CADPS2: variants seen among roughly 807,000 people sequenced by gnomAD.
The protein encoded by CADPS2 is calcium-dependent secretion activator 2.
Under a neutral mutation model 172.5 loss-of-function variants are expected in CADPS2, and 93 were observed. The ratio of observed to expected loss-of-function variants is 0.54; its 90% CI spans 0.46 to 0.64. The LOEUF is 0.64. Among genes scored for constraint, CADPS2 ranks in the 30% least tolerant of loss-of-function variants. The pLI, the probability that CADPS2 is intolerant of heterozygous loss-of-function variation, is 0.00. For synonymous variants in CADPS2, 546 were observed against 555.2 expected (o/e 0.98, Z 0.23); for missense variants, 1,420 against 1,565.9 (o/e 0.91, Z 1.57).
At chr7:122,798,902 TCATTAA>T (rs1425241636) in intron 1 of CADPS2, among the ~76,000 whole-genome samples, 2 of 151,876 alleles carry the variant, frequency 1.3e-5, no homozygotes, top group East Asian at 3.9e-4. Flanking sequence ...TAGAAGGCTC[TCATTAA>T]CACAGTTACC....
chr7:122,429,680 G>A (rs1306565044), intron 17 of CADPS2, among the ~76,000 whole-genome samples: 4 of 151,926 alleles, frequency 2.6e-5, no homozygotes, highest in South Asian at 4.2e-4. Context: ...TGCCATTGTC[G>A]GTGCCTATGG....
chr7:122,350,482 A>G (rs1051896904), intron 27 of CADPS2, among the ~76,000 whole-genome samples: 3 of 152,206 alleles, frequency 2.0e-5, no homozygotes, highest in Non-Finnish European at 2.9e-5. Context: ...AGTAGTTTAA[A>G]TAAGTTATAT....
chr7:122,708,964 C>T (rs1400197623), intron 2 of CADPS2, among the ~76,000 whole-genome samples: 5 of 151,816 alleles, frequency 3.3e-5, no homozygotes, highest in African/African-American at 1.2e-4. Flanking sequence ...TCTTTGAGCT[C>T]GGAACAAAAT....
intron 1 of CADPS2, among the ~76,000 whole-genome samples, chr7:122,806,016 A>C (rs1589307975): frequency 6.6e-6 from 1 of 152,246 alleles, no homozygotes; most frequent in East Asian, 1.9e-4. Context: ...ATATTAGAGC[A>C]CTGAATGTGC....
intron 3 of CADPS2, among the ~76,000 whole-genome samples, chr7:122,634,994 T>C (rs1657486954): frequency 6.6e-6 from 1 of 152,208 alleles, no homozygotes; most frequent in Admixed American, 6.5e-5. Flanking sequence ...TCTACTTTTA[T>C]TGCCCTGTCG....
intron 2 of CADPS2, among the ~76,000 whole-genome samples, chr7:122,715,381 G>A (rs1210012993): frequency 1.3e-5 from 2 of 152,040 alleles, no homozygotes; most frequent in Non-Finnish European, 2.9e-5. Context: ...CTTCCAGAAC[G>A]CAGATGGCAA....
chr7:122,649,821 G>A (rs1295597921), intron 3 of CADPS2, among the ~76,000 whole-genome samples: 1 of 150,618 alleles, frequency 6.6e-6, no homozygotes, highest in Non-Finnish European at 1.5e-5. Context: ...ATGCCTTGAG[G>A]GAAGGAATCA....
At chr7:122,717,527 C>A (rs890170231) in intron 2 of CADPS2, among the ~76,000 whole-genome samples, 3 of 152,110 alleles carry the variant, frequency 2.0e-5, no homozygotes, top group Non-Finnish European at 4.4e-5. Context: ...TATGTTGGAA[C>A]TGAAAGAGTA....
At chr7:122,404,872 T>C (rs986538294) in intron 20 of CADPS2, among the ~76,000 whole-genome samples, 2 of 152,100 alleles carry the variant, frequency 1.3e-5, no homozygotes, top group Non-Finnish European at 2.9e-5. Flanking sequence ...ATGCCTGTAA[T>C]CCCAGCACTT....
intron 6 of CADPS2, among the ~76,000 whole-genome samples, chr7:122,597,858 T>A (rs2072098407): frequency 6.6e-6 from 1 of 152,104 alleles, no homozygotes; most frequent in Admixed American, 6.6e-5. Flanking sequence ...TAAGCATATC[T>A]TTCAATGAGA....
At chr7:122,774,815 G>C (rs765171865) in intron 1 of CADPS2, among the ~76,000 whole-genome samples, 4 of 152,238 alleles carry the variant, frequency 2.6e-5, no homozygotes, top group Non-Finnish European at 4.4e-5. Flanking sequence ...TATATTTAAT[G>C]TATCTAACTG....
intron 8 of CADPS2, among the ~76,000 whole-genome samples, chr7:122,547,136 A>T (rs2063709709): frequency 6.6e-6 from 1 of 151,854 alleles, no homozygotes; most frequent in Non-Finnish European, 1.5e-5. Context: ...CTTACAAATT[A>T]AAACATATTA....
chr7:122,791,157 T>G (rs1795210618), intron 1 of CADPS2, among the ~76,000 whole-genome samples: 1 of 152,128 alleles, frequency 6.6e-6, no homozygotes, highest in Non-Finnish European at 1.5e-5. Context: ...ATAAAACTAT[T>G]TGTAATGCAT....
At chr7:122,544,678 A>C (rs2063444928) in intron 8 of CADPS2, among the ~76,000 whole-genome samples, 1 of 152,162 alleles carries the variant, frequency 6.6e-6, no homozygotes, top group Non-Finnish European at 1.5e-5. Context: ...GAAGTGAGCA[A>C]GAGAGGAAGT....
At chr7:122,708,443 T>G (rs935548221) in intron 2 of CADPS2, among the ~76,000 whole-genome samples, 6 of 104,636 alleles carry the variant, frequency 5.7e-5, no homozygotes, top group African/African-American at 1.6e-4. Context: ...TATGTGTGTG[T>G]ATATATATAT....
At position 122,563,268 on chromosome 7, in the gene CADPS2, C is replaced by A. The variant is rs1281688595; in HGVS notation, c.1336-8579G>T. Among the ~76,000 whole-genome samples the A allele has an allele frequency of 1.1e-4, 16 of 152,212 alleles. 1 individual carries two copies. In the East Asian group the frequency reaches 1.9e-3, roughly 18 times the overall value. ...AGCCATAAATTATGAATAGCATAAC[C>A]TTTACATTACTTTATCAAAACAGTT... is the stretch of plus-strand genomic sequence containing the variant. On this transcript the variant is annotated intron_variant, in intron 7 of 29. Transcript: ENST00000449022.
At chr7:122,852,610 G>T (rs1270873275) in intron 1 of CADPS2, among the ~76,000 whole-genome samples, 1 of 152,130 alleles carries the variant, frequency 6.6e-6, no homozygotes, top group Non-Finnish European at 1.5e-5. Flanking sequence ...GAACTTTCAG[G>T]TACAGAGAAC....
chr7:122,692,323 A>G lies in CADPS2; in HGVS notation c.454-28754T>C, dbSNP rs553747871. ...TTGGTGCCCAACAGCTACTCATGCT[A>G]TATTTTCTGGTGGATCACTGGGCGA... On this transcript the variant is annotated intron_variant, in intron 2 of 29. Transcript: ENST00000449022. Among the ~76,000 whole-genome samples, 6 of 152,262 alleles carry G rather than the reference A, an allele frequency of 3.9e-5. No homozygotes were observed. In the South Asian group the frequency reaches 1.2e-3, roughly 32 times the overall value.
At chr7:122,355,047 T>A (rs2039193980) in intron 27 of CADPS2, among the ~76,000 whole-genome samples, 1 of 152,210 alleles carries the variant, frequency 6.6e-6, no homozygotes, top group African/African-American at 2.4e-5. Context: ...GATTTTTTTT[T>A]CATTCATAAA....
Sources: gnomAD v4.1 joint callset for allele counts (sites outside exome capture counted in the v4.1 genomes callset) on GRCh38, gnomAD v4.1.1 for gene constraint, MANE v1.5 for transcripts, NCBI Gene and HGNC (gene_info 2026-07-23, HGNC 2026-07-21) for gene names.